The following RAB38 variants were observed in gnomAD, a reference collection of about 807,000 sequenced individuals.
The protein encoded by RAB38 is RAB38, member RAS oncogene family.
RAB38 carries 15 observed loss-of-function variants against 18.4 expected under a neutral mutation model. That is an observed-to-expected ratio of 0.82 (90% CI 0.55 to 1.26). RAB38 has a LOEUF of 1.26. Ranked by LOEUF, RAB38 falls within the 50% of genes most tolerant of loss-of-function variation. RAB38 has a pLI of 0.00. For synonymous variants in RAB38, 101 were observed against 104.4 expected (o/e 0.97, Z 0.20); for missense variants, 294 against 267.4 (o/e 1.10, Z -0.69).
At chr11:87,898,340 T>C in the RAB38 span, among the ~76,000 whole-genome samples, 9 of 151,784 alleles carry the variant, frequency 5.9e-5, no homozygotes, top group African/African-American at 2.2e-4. Context: ...TTCCCTAGTA[T>C]GCTGTAGCCT....
At chr11:87,953,048 T>C in the RAB38 span, among the ~76,000 whole-genome samples, 1 of 151,032 alleles carries the variant, frequency 6.6e-6, no homozygotes, top group African/African-American at 2.4e-5. Context: ...AGTTGATCAT[T>C]ATGTAAATAT....
the RAB38 span, among the ~76,000 whole-genome samples, chr11:88,023,192 A>T: frequency 3.3e-5 from 5 of 152,208 alleles, no homozygotes; most frequent in Non-Finnish European, 7.3e-5. Flanking sequence ...TTAATATTTT[A>T]AAAAATTAAG....
At chr11:87,834,048 A>C in the RAB38 span, among the ~76,000 whole-genome samples, 1 of 152,224 alleles carries the variant, frequency 6.6e-6, no homozygotes, top group South Asian at 2.1e-4. Context: ...GGAAAAGGAA[A>C]TCAGAGAGAT....
At chr11:87,891,360 T>TAA in the RAB38 span, among the ~76,000 whole-genome samples, 5 of 151,866 alleles carry the variant, frequency 3.3e-5, no homozygotes, top group African/African-American at 1.2e-4. Context: ...ATGTTTTGTG[T>TAA]ATGTCATATT....
At chr11:87,922,979 GAAAAT>G in the RAB38 span, among the ~76,000 whole-genome samples, 15 of 149,556 alleles carry the variant, frequency 1.0e-4, no homozygotes, top group Admixed American at 8.1e-4. Flanking sequence ...GAAGGAAGGA[GAAAAT>G]AAAAGAATAG....
the RAB38 span, among the ~76,000 whole-genome samples, chr11:87,952,405 A>G: frequency 6.6e-6 from 1 of 152,158 alleles, no homozygotes; most frequent in Non-Finnish European, 1.5e-5. Context: ...CATTTTTAGG[A>G]ACTGAACAGG....
At chr11:87,921,174 T>C in the RAB38 span, among the ~76,000 whole-genome samples, 2 of 152,098 alleles carry the variant, frequency 1.3e-5, no homozygotes, top group Non-Finnish European at 2.9e-5. Context: ...TTCTGACTTA[T>C]GATGGTTTGA....
chr11:88,121,810 C>T (rs936368730), intron 2 of RAB38, among the ~76,000 whole-genome samples: 3 of 152,042 alleles, frequency 2.0e-5, no homozygotes, highest in African/African-American at 7.2e-5. Flanking sequence ...GATCTGCTCA[C>T]CTCGGCCTCC....
At chr11:87,805,724 T>C in the RAB38 span, among the ~76,000 whole-genome samples, 1 of 132,936 alleles carries the variant, frequency 7.5e-6, no homozygotes, top group Non-Finnish European at 1.7e-5. Flanking sequence ...TACACACACA[T>C]ATATACACAC....
chr11:88,053,918 A>T, the RAB38 span, among the ~76,000 whole-genome samples: 1 of 152,122 alleles, frequency 6.6e-6, no homozygotes, highest in Non-Finnish European at 1.5e-5. Flanking sequence ...GCAAGAAAAG[A>T]TCATGCAGCA....
the RAB38 span, among the ~76,000 whole-genome samples, chr11:87,975,528 G>A: frequency 6.6e-6 from 1 of 151,682 alleles, no homozygotes; most frequent in African/African-American, 2.4e-5. Context: ...TAAATATACG[G>A]GTAATTATGC....
At chr11:88,129,514 G>A (rs1310893331) in intron 2 of RAB38, among the ~76,000 whole-genome samples, 1 of 152,064 alleles carries the variant, frequency 6.6e-6, no homozygotes, top group East Asian at 1.9e-4. Context: ...GGTGGCATGT[G>A]CGTGTAAACT....
At chr11:88,166,627 TA>T (rs1565222010) in intron 1 of RAB38, 1 of 152,062 alleles carries the variant, frequency 6.6e-6, no homozygotes, top group African/African-American at 2.4e-5. Context: ...GCTTAAATTT[TA>T]AAAAAGATAT....
chr11:87,937,326 ATATATATATATATATATATATATATC>A, the RAB38 span, among the ~76,000 whole-genome samples: 12 of 89,432 alleles, frequency 1.3e-4, no homozygotes, highest in South Asian at 3.4e-3. Context: ...ATATATATAT[ATATATATATATATATATATATATATC>A]ATAATTCTAT....
At chr11:88,141,614 T>C (rs563080765) in intron 2 of RAB38, among the ~76,000 whole-genome samples, 1 of 152,226 alleles carries the variant, frequency 6.6e-6, no homozygotes, top group African/African-American at 2.4e-5. Context: ...ATCTTTGAGT[T>C]CAGACTTCTA....
intron 1 of RAB38, among the ~76,000 whole-genome samples, chr11:88,168,706 T>A (rs1239257534): frequency 6.6e-6 from 1 of 152,058 alleles, no homozygotes; most frequent in Non-Finnish European, 1.5e-5. Context: ...ACAAAAAAAA[T>A]TAAGTAGCAC....
chr11:88,038,536 TTCCTCACAC>T, the RAB38 span, among the ~76,000 whole-genome samples: 265 of 152,308 alleles, frequency 1.7e-3, 9 homozygotes, highest in East Asian at 0.039. Flanking sequence ...CAAAACATAT[TTCCTCACAC>T]TTAGTAGGTA....
the RAB38 span, among the ~76,000 whole-genome samples, chr11:88,103,367 T>G: frequency 6.6e-6 from 1 of 152,102 alleles, no homozygotes; most frequent in African/African-American, 2.4e-5. Context: ...GTCTTCTGAC[T>G]ATGTTCTGGT....
the RAB38 span, among the ~76,000 whole-genome samples, chr11:88,072,300 A>G: frequency 6.6e-6 from 1 of 152,246 alleles, no homozygotes; most frequent in East Asian, 1.9e-4. Context: ...GACTGGACAC[A>G]GCCGAGGAAA....
Sources: gnomAD v4.1 joint callset for allele counts (sites outside exome capture counted in the v4.1 genomes callset) on GRCh38, gnomAD v4.1.1 for gene constraint, MANE v1.5 for transcripts, NCBI Gene and HGNC (gene_info 2026-07-23, HGNC 2026-07-21) for gene names.